Variants in AP3B1 observed in about 807,000 individuals in gnomAD.
The protein encoded by AP3B1 is adaptor related protein complex 3 subunit beta 1.
A neutral mutation model predicts 132.5 loss-of-function variants in AP3B1; 61 were observed. That is an observed-to-expected ratio of 0.46 (90% CI 0.37 to 0.57). The LOEUF (loss-of-function observed/expected upper bound fraction) is 0.57. Ranked by LOEUF, AP3B1 falls within the 20% of genes least tolerant of loss-of-function variation. The probability of loss-of-function intolerance (pLI) is 0.00; values close to 1 mark genes in which losing one functional copy is unlikely to be tolerated. For synonymous variants in AP3B1, 388 were observed against 438.3 expected (o/e 0.89, Z 1.43); for missense variants, 1,120 against 1,289.4 (o/e 0.87, Z 2.01).
rs751922416 is a variant in AP3B1, at chr5:78,181,614, C to A, written c.835G>T (p.Asp279Tyr). The A allele has an allele frequency of 8.7e-6, 14 of 1,611,428 alleles. No homozygotes were observed. The African/African-American group carries it at 1.7e-4, about 20-fold the overall frequency. Residue 279 changes from aspartate to tyrosine, a missense_variant, in exon 8 of 27, where the codon GAT becomes TAT. Physicochemically the swap from Asp to Tyr is radical, Grantham distance 160. This residue lies in a region of AP3B1 where 906 missense variants were observed against 997.1 expected (regional missense o/e 0.91). Transcript: ENST00000255194. Reference sequence around the variant, plus strand: ...TTTTTGTCAGTCTTTTCCTTCTGATCATCATCAGATTCGTAGAAATTCTTT... The same window carrying A: ...TTTTTGTCAGTCTTTTCCTTCTGATAATCATCAGATTCGTAGAAATTCTTT... ...NGKNFYESDD[D>Y]QKEKTDKKKK...
chr5:78,223,703 G>A (rs1049388155), intron 6 of AP3B1, among the ~76,000 whole-genome samples: 2 of 152,092 alleles, frequency 1.3e-5, no homozygotes, highest in African/African-American at 2.4e-5. Flanking sequence ...ATATACAATA[G>A]TTCTTTCTCT....
intron 1 of AP3B1, among the ~76,000 whole-genome samples, chr5:78,284,626 A>G (rs1580593601): frequency 1.3e-5 from 2 of 152,232 alleles, no homozygotes; most frequent in African/African-American, 4.8e-5. Flanking sequence ...AACACATGAT[A>G]TACACATACA....
At chr5:78,120,893 C>T (rs1263796304) in intron 17 of AP3B1, among the ~76,000 whole-genome samples, 1 of 152,108 alleles carries the variant, frequency 6.6e-6, no homozygotes, top group Non-Finnish European at 1.5e-5. Flanking sequence ...AATATACATT[C>T]TTCTCAGCAC....
chr5:78,128,657 G>T (rs1014589805), intron 16 of AP3B1, among the ~76,000 whole-genome samples: 39 of 152,072 alleles, frequency 2.6e-4, no homozygotes, highest in Admixed American at 1.3e-4. Context: ...AAAAAGCTGG[G>T]ACACGTAAGT....
In AP3B1 at chr5:78,110,293, C is replaced by T. The variant is rs758351076; in HGVS notation, c.2311G>A (p.Glu771Lys). The T allele has an allele frequency of 2.5e-6, 4 of 1,608,938 alleles. No individual in the cohort carries two copies. Among genetic ancestry groups the T allele is most frequent in the African/African-American group, 1.3e-5 (1 of 74,856 alleles). ...KSKTSDSSND[E>K]SSSIEDSSSD... ...GAACTGTCTTCTATTGAACTAGATT[C>T]GTCATTTGAAGAATCTGAAGTTTTA... Residue 771 changes from glutamate (E) to lysine (K), a missense_variant, in exon 20 of 27, where the codon GAA becomes AAA. Physicochemically the swap from Glu to Lys is moderately conservative, Grantham distance 56. Coordinates refer to ENST00000255194, the MANE Select transcript of AP3B1 (RefSeq NM_003664.5).
rs1211056239 is a variant in AP3B1 at position 78,110,291 on chromosome 5, T to A, written c.2313A>T (p.Glu771Asp). The change falls in exon 20 of 27, where the codon GAA becomes GAT. Residue 771 changes from glutamate to aspartate, a missense_variant. Glu to Asp is a conservative substitution (Grantham distance 45). Coordinates refer to ENST00000255194, the MANE Select transcript of AP3B1 (RefSeq NM_003664.5). ...KSKTSDSSND[E>D]SSSIEDSSSD... ...AAGAACTGTCTTCTATTGAACTAGA[T>A]TCGTCATTTGAAGAATCTGAAGTTT... is the stretch of plus-strand genomic sequence containing the variant. The A allele has an allele frequency of 6.2e-7, 1 of 1,609,822 alleles. No homozygotes were observed.
chr5:78,006,536 C>T (rs935780179), intron 26 of AP3B1, among the ~76,000 whole-genome samples: 48 of 152,214 alleles, frequency 3.2e-4, no homozygotes, highest in Middle Eastern at 3.4e-3. Context: ...TTAAATATCC[C>T]CTACTCTCCT....
intron 14 of AP3B1, among the ~76,000 whole-genome samples, chr5:78,147,579 T>C (rs912819569): frequency 2.6e-5 from 4 of 152,226 alleles, no homozygotes; most frequent in African/African-American, 9.6e-5. Context: ...GTAAAACTGC[T>C]ATTTGTTCCT....
Position 78,002,905 on chromosome 5 carries a change from C to A in AP3B1, c.3282G>T (p.Gly1094=), listed in dbSNP as rs780677693. 6.2e-7 allele frequency: 1 copy of A among 1,614,140 alleles called. No individual in the cohort carries two copies. Among genetic ancestry groups the A allele is most frequent in the Non-Finnish European group, 8.5e-7 (1 of 1,180,026 alleles). ...CTAAAGTCCAGATGTAAGCAGGTTA[C>A]CCCTGAGACAGGACAGGCTTCAGTT... ...LRELKPVLSQ[G] The change falls in exon 27 of 27, where the codon GGG becomes GGT. Residue 1094 remains glycine, a synonymous_variant. Transcript: ENST00000255194.
chr5:78,121,289 A>C (rs1184746276), intron 17 of AP3B1, among the ~76,000 whole-genome samples: 2 of 152,066 alleles, frequency 1.3e-5, no homozygotes, highest in South Asian at 4.1e-4. Flanking sequence ...AAGAACTAGA[A>C]AAGCAAGAGC....
At chr5:78,291,252 C>T (rs1356407909) in intron 1 of AP3B1, among the ~76,000 whole-genome samples, 1 of 151,782 alleles carries the variant, frequency 6.6e-6, no homozygotes, top group Non-Finnish European at 1.5e-5. Context: ...GCCAAGAAGC[C>T]AAAGAGCAGA....
intron 7 of AP3B1, among the ~76,000 whole-genome samples, chr5:78,182,805 A>T (rs576027404): frequency 1.5e-4 from 23 of 152,324 alleles, no homozygotes; most frequent in African/African-American, 5.5e-4. Flanking sequence ...TTAGGCTGTA[A>T]TGAGATGCCC....
At chr5:78,175,718 C>G in intron 10 of AP3B1, 21 bp from the exon 11 acceptor site, 1 of 1,611,404 alleles carries the variant, frequency 6.2e-7, no homozygotes, top group Non-Finnish European at 8.5e-7. Context: ...AAAATAAATA[C>G]AAAAATACAT....
At chr5:78,287,776 C>T (rs1421939225) in intron 1 of AP3B1, among the ~76,000 whole-genome samples, 1 of 149,904 alleles carries the variant, frequency 6.7e-6, no homozygotes, top group Non-Finnish European at 1.5e-5. Context: ...AAAGTAGGAT[C>T]CAGTTTACAT....
intron 8 of AP3B1, among the ~76,000 whole-genome samples, chr5:78,179,529 A>C (rs962141978): frequency 2.6e-5 from 4 of 152,178 alleles, no homozygotes; most frequent in Admixed American, 6.5e-5. Context: ...AAACTTCAAA[A>C]TCCAAAAAGA....
Position 78,175,012 on chromosome 5 carries a change from T to C in AP3B1, c.1167+614A>G, listed in dbSNP as rs1041562135. 9.2e-5 allele frequency among the ~76,000 whole-genome samples: 14 copies of C among 152,348 alleles called. No homozygotes were observed. In the South Asian group the frequency reaches 1.4e-3, roughly 16 times the overall value. Reference sequence around the variant, plus strand: ...AGCAGTGAGCAAGGCTCTGTGGGCGTTGGACCTGCTGAGCCAGGCATGGGA... The same window carrying C: ...AGCAGTGAGCAAGGCTCTGTGGGCGCTGGACCTGCTGAGCCAGGCATGGGA... On this transcript the variant is annotated intron_variant, in intron 11 of 26. Transcript: ENST00000255194.
At chr5:78,096,518 A>C (rs1189093704) in intron 21 of AP3B1, among the ~76,000 whole-genome samples, 82 of 144,552 alleles carry the variant, frequency 5.7e-4, no homozygotes, top group Non-Finnish European at 1.2e-3. Flanking sequence ...CCCAGTCTGG[A>C]AAGTGAGGAG....
At chr5:78,286,517 C>G (rs1036793522) in intron 1 of AP3B1, among the ~76,000 whole-genome samples, 1 of 152,200 alleles carries the variant, frequency 6.6e-6, no homozygotes, top group African/African-American at 2.4e-5. Context: ...AAGCAAAGAG[C>G]AGCCCTCACC....
At chr5:78,082,173 A>G (rs1369516662) in intron 22 of AP3B1, among the ~76,000 whole-genome samples, 1 of 152,188 alleles carries the variant, frequency 6.6e-6, no homozygotes, top group Non-Finnish European at 1.5e-5. Context: ...AAGAAATGGA[A>G]TAGGTGACAT....
Sources: allele counts gnomAD v4.1 joint callset (sites outside exome capture counted in the v4.1 genomes callset), GRCh38; gene constraint gnomAD v4.1.1; regional missense constraint gnomAD v4.1.1; transcripts MANE v1.5; gene names NCBI Gene and HGNC (gene_info 2026-07-23, HGNC 2026-07-21).